Variants in PARD3B observed in about 807,000 individuals in gnomAD.
PARD3B encodes partitioning defective 3 homolog B.
PARD3B carries 103 observed loss-of-function variants against 130.2 expected under a neutral mutation model. The observed-to-expected ratio is 0.79, with a 90% CI of 0.67 to 0.93. PARD3B has a LOEUF of 0.93. Among genes scored for constraint, PARD3B ranks in the 40% least tolerant of loss-of-function variants. The pLI, the probability that PARD3B is intolerant of heterozygous loss-of-function variation, is 0.00. For synonymous variants in PARD3B, 583 were observed against 553.2 expected, an observed-to-expected ratio of 1.05 and a Z score of -0.76; for missense variants, 1,609 against 1,499.2, an observed-to-expected ratio of 1.07 and a Z score of -1.21.
intron 2 of PARD3B, among the ~76,000 whole-genome samples, chr2:204,863,511 C>T (rs4675474): frequency 0.13 from 19,998 of 152,180 alleles, 1,756 homozygotes; most frequent in South Asian, 0.32. Flanking sequence ...AAAATTGTCA[C>T]AGCTTTGGTA....
chr2:204,776,352 T>G (rs2041619070), intron 2 of PARD3B, among the ~76,000 whole-genome samples: 1 of 152,112 alleles, frequency 6.6e-6, no homozygotes, highest in Non-Finnish European at 1.5e-5. Context: ...TGGAGGTGAT[T>G]TATTGAAAAT....
intron 16 of PARD3B, among the ~76,000 whole-genome samples, chr2:205,282,117 T>C (rs2041213027): frequency 6.6e-6 from 1 of 152,118 alleles, no homozygotes; most frequent in Admixed American, 6.5e-5. Context: ...CATTTCACCA[T>C]AGGAGAAAAA....
chr2:204,737,448 T>G (rs1223273443), intron 2 of PARD3B, among the ~76,000 whole-genome samples: 1 of 152,226 alleles, frequency 6.6e-6, no homozygotes, highest in Non-Finnish European at 1.5e-5. Flanking sequence ...TTTTGCTGAT[T>G]TGTTTGTGTT....
chr2:204,608,353 T>C (rs2033802740), intron 1 of PARD3B, among the ~76,000 whole-genome samples: 1 of 152,226 alleles, frequency 6.6e-6, no homozygotes, highest in Non-Finnish European at 1.5e-5. Flanking sequence ...CTCTGGCTTT[T>C]TTCCCGGGAA....
chr2:205,429,630 T>C (rs849246), intron 19 of PARD3B, among the ~76,000 whole-genome samples: 147,757 of 152,258 alleles, frequency 0.97, 71,834 homozygotes, highest in East Asian at 1. Context: ...AACTGTACTT[T>C]GTTATGTTAA....
chr2:204,919,645 A>C (rs536909122), intron 2 of PARD3B, among the ~76,000 whole-genome samples: 3 of 152,298 alleles, frequency 2.0e-5, no homozygotes, highest in African/African-American at 4.8e-5. Flanking sequence ...CTTCCTCCTG[A>C]TAATGGACAT....
At chr2:204,948,995 G>A (rs1689554517) in intron 2 of PARD3B, among the ~76,000 whole-genome samples, 1 of 152,134 alleles carries the variant, frequency 6.6e-6, no homozygotes, top group Non-Finnish European at 1.5e-5. Flanking sequence ...AGAAAATGCT[G>A]TGTAGAATTT....
chr2:205,204,880 C>A lies in PARD3B; in HGVS notation c.2140+11560C>A, dbSNP rs112454527. Among the ~76,000 whole-genome samples, 1,217 of 152,150 alleles carry A rather than the reference C, an allele frequency of 8.0e-3. 17 individuals carry two copies. Among genetic ancestry groups the A allele is most frequent in the African/African-American group, 0.014 (571 of 41,532 alleles). On this transcript the variant is annotated intron_variant, in intron 15 of 22. Transcript: ENST00000406610. ...TGTAGTATAGTTTGAAGTCAGGTAG[C>A]ATGATGCCCCCAGCTTTGTTCTTTT... is the stretch of plus-strand genomic sequence containing the variant.
At position 205,555,470 on chromosome 2, in the gene PARD3B, C is replaced by T. The variant is rs930690003; in HGVS notation, c.3260+2067C>T. 3.9e-5 allele frequency among the ~76,000 whole-genome samples: 6 copies of T among 152,164 alleles called. No homozygotes were observed. The South Asian group carries it at 6.2e-4, about 16-fold the overall frequency. The stretch of plus-strand genomic sequence containing the variant: ...TGAATTTCCAACTCTTGTTTATTTT[C>T]GCTAATCCCCGAAATACTCACTCAT... On this transcript the variant is annotated intron_variant, in intron 22 of 22. Coordinates refer to ENST00000406610, the MANE Select transcript of PARD3B (RefSeq NM_001302769.2).
chr2:205,260,348 A>G (rs2040254616), intron 16 of PARD3B, among the ~76,000 whole-genome samples: 1 of 152,150 alleles, frequency 6.6e-6, no homozygotes, highest in South Asian at 2.1e-4. Flanking sequence ...ATTTAGGAGT[A>G]TTTCAGATTT....
At chr2:205,129,994 C>G (rs956255535) in intron 10 of PARD3B, among the ~76,000 whole-genome samples, 3 of 152,162 alleles carry the variant, frequency 2.0e-5, no homozygotes, top group Admixed American at 2.0e-4. Context: ...AGCCAACCTT[C>G]TTTCCATCTG....
chr2:205,601,468 A>T (rs950446216), intron 22 of PARD3B, among the ~76,000 whole-genome samples: 1 of 152,148 alleles, frequency 6.6e-6, no homozygotes, highest in South Asian at 2.1e-4. Context: ...TTCTGATGAT[A>T]GTTTCTTTTG....
intron 20 of PARD3B, among the ~76,000 whole-genome samples, chr2:205,453,961 A>T (rs774607105): frequency 6.6e-6 from 1 of 152,122 alleles, no homozygotes; most frequent in South Asian, 2.1e-4. Flanking sequence ...GCTGCTGCTG[A>T]CCTGCCAGAT....
At chr2:204,945,088 T>G (rs1014687470) in intron 2 of PARD3B, among the ~76,000 whole-genome samples, 9 of 152,238 alleles carry the variant, frequency 5.9e-5, no homozygotes, top group African/African-American at 2.2e-4. Flanking sequence ...TAAGGTAGTG[T>G]TACAGTACCA....
intron 2 of PARD3B, among the ~76,000 whole-genome samples, chr2:204,855,544 G>GAA (rs1159814030): frequency 0.013 from 1,847 of 139,952 alleles, 22 homozygotes; most frequent in Non-Finnish European, 0.019. Flanking sequence ...CCCTCTAAAA[G>GAA]AAAAAAAAAT....
chr2:205,337,472 C>T (rs13011886), intron 18 of PARD3B, among the ~76,000 whole-genome samples: 20,786 of 152,188 alleles, frequency 0.14, 1,932 homozygotes, highest in South Asian at 0.26. Context: ...TTTTCATTGA[C>T]TGTAAATCAT....
intron 1 of PARD3B, among the ~76,000 whole-genome samples, chr2:204,626,424 C>G (rs1271415535): frequency 1.3e-5 from 2 of 152,074 alleles, no homozygotes; most frequent in South Asian, 4.1e-4. Flanking sequence ...TCTGCTACTA[C>G]TGTGGCAAAT....
At position 204,676,325 on chromosome 2, in the gene PARD3B, A is replaced by T. The variant is rs1193287037; in HGVS notation, c.121-9856A>T. Among the ~76,000 whole-genome samples, 4 of 152,164 alleles carry T rather than the reference A, an allele frequency of 2.6e-5. No individual in the cohort carries two copies. In the East Asian group the frequency reaches 7.7e-4, roughly 29 times the overall value. ...ATGAATTTTCAGGCTACATGGCAAG[A>T]CATTGGAATAACGGGTAGATTGGGG... On this transcript the variant is annotated intron_variant, in intron 1 of 22. Coordinates refer to ENST00000406610, the MANE Select transcript of PARD3B (RefSeq NM_001302769.2).
chr2:205,519,017 A>ATTCT (rs1375601672), intron 21 of PARD3B, among the ~76,000 whole-genome samples: 1 of 151,900 alleles, frequency 6.6e-6, no homozygotes, highest in Non-Finnish European at 1.5e-5. Flanking sequence ...TGCTTTTAAC[A>ATTCT]TTCTTTCTTT....
Sources: gnomAD v4.1 joint callset for allele counts (sites outside exome capture counted in the v4.1 genomes callset) on GRCh38, gnomAD v4.1.1 for gene constraint, MANE v1.5 for transcripts, NCBI Gene and HGNC (gene_info 2026-07-23, HGNC 2026-07-21) for gene names.